ATAD2: variants seen among roughly 807,000 people sequenced by gnomAD.
ATAD2 encodes the protein ATPase family AAA domain-containing protein 2.
ATAD2 carries 62 observed loss-of-function variants against 168.9 expected under a neutral mutation model. The ratio of observed to expected loss-of-function variants is 0.37; its 90% CI spans 0.30 to 0.45. The LOEUF (loss-of-function observed/expected upper bound fraction) is 0.45, where lower values mean the gene tolerates loss of function less well. Among genes scored for constraint, ATAD2 ranks in the 20% least tolerant of loss-of-function variants. The pLI, the probability that ATAD2 is intolerant of heterozygous loss-of-function variation, is 1.00. For synonymous variants in ATAD2, 613 were observed against 571.6 expected (o/e 1.07, Z -1.03); for missense variants, 1,419 against 1,667.8 (o/e 0.85, Z 2.60).
chr8:123,343,228 G>A (rs996983509), intron 19 of ATAD2, among the ~76,000 whole-genome samples: 3 of 151,754 alleles, frequency 2.0e-5, no homozygotes, highest in Non-Finnish European at 4.4e-5. Flanking sequence ...CGCCCACCCC[G>A]GCCTCCCAAA....
In ATAD2 at chr8:123,380,522, G is replaced by C. The variant is rs1012508803; in HGVS notation, c.320+7C>G. The C allele has an allele frequency of 6.2e-7, 1 of 1,613,316 alleles. No individual in the cohort carries two copies. The highest frequency in any genetic ancestry group is 8.5e-7 in the Non-Finnish European group (1 of 1,179,532). ...TTTTGAATTAGTGTTCAACCACCTT[G>C]TATTACCTTGTAAAATGCCTGCCAT... On this transcript the variant is annotated splice_region_variant and intron_variant, in intron 2 of 27. Coordinates refer to ENST00000287394, the MANE Select transcript of ATAD2 (RefSeq NM_014109.4).
chr8:123,379,893 T>TTATTA (rs1233823909), intron 2 of ATAD2, among the ~76,000 whole-genome samples: 9 of 126,646 alleles, frequency 7.1e-5, no homozygotes, highest in African/African-American at 2.4e-4. Context: ...TATTATTATT[T>TTATTA]TTTTTTTTTT....
upstream of ATAD2, among the ~76,000 whole-genome samples, chr8:123,397,294 C>G (rs1404294619): frequency 1.3e-5 from 2 of 151,044 alleles, no homozygotes; most frequent in East Asian, 3.9e-4. Context: ...GAGCAGGACT[C>G]CCAGTTAAAT....
At chr8:123,325,101 T>TA (rs1216134668) in intron 26 of ATAD2, among the ~76,000 whole-genome samples, 7 of 127,462 alleles carry the variant, frequency 5.5e-5, no homozygotes, top group African/African-American at 2.8e-4. Flanking sequence ...TAATAATTCT[T>TA]TTTTTTTTTT....
intron 1 of ATAD2, among the ~76,000 whole-genome samples, chr8:123,391,636 A>C (rs1829829016): frequency 6.6e-6 from 1 of 152,208 alleles, no homozygotes; most frequent in Admixed American, 6.5e-5. Flanking sequence ...GAGGAAACTA[A>C]GAAATATCCA....
chr8:123,406,816 CAAAA>C (rs61473512), intron 1 of ATAD2, among the ~76,000 whole-genome samples: 335 of 134,636 alleles, frequency 2.5e-3, no homozygotes, highest in Admixed American at 3.3e-3. Flanking sequence ...GACCCTGTCT[CAAAA>C]AAAAAAAAAA....
At chr8:123,352,900 A>AAAAC (rs372932301) in intron 13 of ATAD2, among the ~76,000 whole-genome samples, 9 of 151,534 alleles carry the variant, frequency 5.9e-5, no homozygotes, top group African/African-American at 1.7e-4. Context: ...TCTTTACTAA[A>AAAAC]AAACAAACAA....
chr8:123,321,309 T>G, intron 27 of ATAD2, 134 bp from the exon 28 acceptor site: 1 of 755,138 alleles, frequency 1.3e-6, no homozygotes, highest in Non-Finnish European at 2.1e-6. Context: ...AAAATAAACA[T>G]TCAGTTCAGT....
chr8:123,328,145 A>T lies in ATAD2; in HGVS notation c.3868+45T>A, dbSNP rs1040784133. 3.8e-6 allele frequency: 5 copies of T among 1,324,376 alleles called. No individual in the cohort carries two copies. The East Asian group carries it at 1.4e-4, about 37-fold the overall frequency. 82.0% of individuals were successfully genotyped at this position (1,324,376 alleles called of 1,614,324 possible). A position where few individuals can be genotyped will look rare whatever the true frequency, so the allele number is the denominator to read the frequency against. On this transcript the variant is annotated intron_variant, in intron 25 of 27. Coordinates refer to ENST00000287394, the MANE Select transcript of ATAD2 (RefSeq NM_014109.4). Reference sequence around the variant, plus strand: ...CAATTAGGTGTTTAGAAACTTTGAAATATCTTTTAAAATCAGTAAATTATT... The same window carrying T: ...CAATTAGGTGTTTAGAAACTTTGAATTATCTTTTAAAATCAGTAAATTATT...
At chr8:123,330,768 GA>G (rs1326838148) in intron 24 of ATAD2, among the ~76,000 whole-genome samples, 34 of 152,040 alleles carry the variant, frequency 2.2e-4, no homozygotes, top group African/African-American at 7.7e-4. Context: ...ATTTTTTCTT[GA>G]ATTGTATTAG....
At position 123,361,390 on chromosome 8, in the gene ATAD2, C is replaced by G. The variant is rs1474131824; in HGVS notation, c.1157+149G>C. 17 of 494,528 alleles carry G rather than the reference C, an allele frequency of 3.4e-5. 1 individual carries two copies. The highest frequency in any genetic ancestry group is 3.3e-4 in the East Asian group (10 of 30,736). The allele number at this position is 494,528 out of a possible 1,614,324, so 30.6% of individuals were successfully genotyped here. On this transcript the variant is annotated intron_variant, in intron 9 of 27. Transcript: ENST00000287394. ...TATTCTGATTCAACTGTAGATAATT[C>G]TAACAAGACAGCATTCTAGTTTATA...
At chr8:123,373,163 A>AT (rs1829199486) in intron 2 of ATAD2, among the ~76,000 whole-genome samples, 1 of 151,654 alleles carries the variant, frequency 6.6e-6, no homozygotes, top group South Asian at 2.1e-4. Context: ...AAGTGCTGGG[A>AT]TTACAGGCTT....
At position 123,396,398 on chromosome 8, in the gene ATAD2, G is replaced by T. The variant is rs530936139; in HGVS notation, c.-41C>A. On this transcript the variant is annotated 5_prime_UTR_variant, in exon 1 of 28. Transcript: ENST00000287394. Reference sequence around the variant, plus strand: ...GCCTCGGCGTGCGCGACCGGAGAGAGATCCAGCTCCAGGCGCTCGCAGCTC... The same window carrying T: ...GCCTCGGCGTGCGCGACCGGAGAGATATCCAGCTCCAGGCGCTCGCAGCTC... 1 of 1,511,750 alleles carries T rather than the reference G, an allele frequency of 6.6e-7. No homozygotes were observed. The highest frequency in any genetic ancestry group is 8.8e-7 in the Non-Finnish European group (1 of 1,132,690). 93.6% of individuals were successfully genotyped at this position (1,511,750 alleles called of 1,614,324 possible).
At position 123,357,801 on chromosome 8, in the gene ATAD2, A is replaced by C. The variant is rs1322972560; in HGVS notation, c.1383-65T>G. 2.8e-6 allele frequency: 4 copies of C among 1,415,034 alleles called. No homozygotes were observed. In the African/African-American group the frequency reaches 5.9e-5, roughly 21 times the overall value. 87.7% of individuals were successfully genotyped at this position (1,415,034 alleles called of 1,614,324 possible). Reference sequence around the variant, plus strand: ...AAAGCAGACTTTTAAAACAAAAATTAGAAACCAATTTCATGATTCATTTAA... The same window carrying C: ...AAAGCAGACTTTTAAAACAAAAATTCGAAACCAATTTCATGATTCATTTAA... On this transcript the variant is annotated intron_variant, in intron 11 of 27. Transcript: ENST00000287394.
chr8:123,347,971 C>G (rs1295895584), intron 15 of ATAD2: 4 of 597,910 alleles, frequency 6.7e-6, no homozygotes, highest in African/African-American at 1.9e-5. Flanking sequence ...TATTTAATAC[C>G]AAGACTTCAT....
At chr8:123,340,736 C>T (rs1222484108) in intron 19 of ATAD2, among the ~76,000 whole-genome samples, 1 of 152,024 alleles carries the variant, frequency 6.6e-6, no homozygotes, top group Non-Finnish European at 1.5e-5. Context: ...ATATGAGGTA[C>T]CTAGAATAAA....
Position 123,370,030 on chromosome 8 carries a change from A to T in ATAD2, c.728-6T>A. The T allele has an allele frequency of 6.3e-7, 1 of 1,599,982 alleles. No individual in the cohort carries two copies. The highest frequency in any genetic ancestry group is 1.7e-4 in the Middle Eastern group (1 of 6,036). On this transcript the variant is annotated splice_region_variant and splice_polypyrimidine_tract_variant and intron_variant, in intron 6 of 27. Transcript: ENST00000287394. ...TTCACCCTCTTCAGATGACTCTACAATTAAGAGATCCTTACTTCCAGAAAG... is the reference window on the plus strand; with the variant it reads ...TTCACCCTCTTCAGATGACTCTACATTTAAGAGATCCTTACTTCCAGAAAG...
chr8:123,394,063 TCAA>T (rs1312135889), intron 1 of ATAD2, among the ~76,000 whole-genome samples: 1 of 150,986 alleles, frequency 6.6e-6, no homozygotes, highest in East Asian at 1.9e-4. Context: ...ATGTGAGGAG[TCAA>T]CAACAACCTA....
At chr8:123,340,457 T>C (rs1006494382) in intron 19 of ATAD2, among the ~76,000 whole-genome samples, 3 of 152,208 alleles carry the variant, frequency 2.0e-5, no homozygotes, top group Non-Finnish European at 4.4e-5. Context: ...GCAATTCCAC[T>C]TCTAGGTATA....
Sources: allele counts gnomAD v4.1 joint callset (sites outside exome capture counted in the v4.1 genomes callset), GRCh38; gene constraint gnomAD v4.1.1; transcripts MANE v1.5; gene names NCBI Gene and HGNC (gene_info 2026-07-23, HGNC 2026-07-21).